PKP4: variants seen among roughly 807,000 people sequenced by gnomAD.
PKP4 encodes the protein plakophilin 4, also known as plakophilin-4.
Under a neutral mutation model 145.1 loss-of-function variants are expected in PKP4, and 90 were observed. That is an observed-to-expected ratio of 0.62 (90% CI 0.52 to 0.74). The LOEUF (loss-of-function observed/expected upper bound fraction) is 0.74, where lower values mean the gene tolerates loss of function less well. Among genes scored for constraint, PKP4 ranks in the 30% least tolerant of loss-of-function variants. The probability of loss-of-function intolerance (pLI) is 0.00; values close to 1 mark genes in which losing one functional copy is unlikely to be tolerated. For missense variants in PKP4, 1,340 were observed against 1,482.7 expected, an observed-to-expected ratio of 0.90 and a Z score of 1.58; for synonymous variants, 563 against 577.2, an observed-to-expected ratio of 0.98 and a Z score of 0.35.
intron 19 of PKP4, 70 bp downstream of exon 19, chr2:158,674,070 G>A: frequency 2.2e-6 from 2 of 892,804 alleles, no homozygotes; most frequent in Non-Finnish European, 3.8e-6. Context: ...AGCCAGAGAA[G>A]ATCAAACATA....
chr2:158,621,613 G>T (rs2052256005), intron 6 of PKP4, among the ~76,000 whole-genome samples, 192 bp downstream of exon 6: 1 of 152,074 alleles, frequency 6.6e-6, no homozygotes, highest in African/African-American at 2.4e-5. Flanking sequence ...GGGCGTGGTG[G>T]CGGGCGCCTG....
intron 7 of PKP4, among the ~76,000 whole-genome samples, chr2:158,627,494 A>G (rs1226532912): frequency 2.0e-5 from 3 of 152,060 alleles, no homozygotes; most frequent in African/African-American, 7.2e-5. Flanking sequence ...CCAGCCTCTC[A>G]GTGATTTTTT....
chr2:158,567,182 T>C (rs2047059168), intron 2 of PKP4, among the ~76,000 whole-genome samples: 1 of 152,178 alleles, frequency 6.6e-6, no homozygotes, highest in Admixed American at 6.5e-5. Context: ...ATTCCACTCT[T>C]CTTTAAGAGG....
intron 11 of PKP4, among the ~76,000 whole-genome samples, chr2:158,649,382 A>G (rs2055132987): frequency 6.6e-6 from 1 of 152,182 alleles, no homozygotes; most frequent in African/African-American, 2.4e-5. Flanking sequence ...TTGTTCTTTA[A>G]GATTACCACC....
At chr2:158,592,908 C>T (rs952024522) in intron 3 of PKP4, among the ~76,000 whole-genome samples, 5 of 152,164 alleles carry the variant, frequency 3.3e-5, no homozygotes, top group Non-Finnish European at 7.4e-5. Context: ...GTGTCTCTTA[C>T]TGTAGACTGC....
At chr2:158,603,046 A>AT in intron 3 of PKP4, 24 bp from the exon 4 acceptor site, 4 of 1,427,612 alleles carry the variant, frequency 2.8e-6, no homozygotes, top group Non-Finnish European at 2.9e-6. Context: ...TAAATGTTCC[A>AT]TTTTTTTCTT....
At chr2:158,545,559 G>A (rs6437187) in intron 2 of PKP4, among the ~76,000 whole-genome samples, 138,141 of 152,192 alleles carry the variant, frequency 0.91, 62,794 homozygotes, top group East Asian at 0.98. Flanking sequence ...CTTGCATTCA[G>A]TTCATAATCT....
chr2:158,531,491 A>G (rs1243681957), intron 1 of PKP4, among the ~76,000 whole-genome samples: 2 of 152,296 alleles, frequency 1.3e-5, no homozygotes, highest in East Asian at 3.9e-4. Flanking sequence ...ATCTTTGTGT[A>G]GCATTTTTTT....
At chr2:158,515,038 A>G (rs1222155626) in intron 1 of PKP4, among the ~76,000 whole-genome samples, 1 of 152,240 alleles carries the variant, frequency 6.6e-6, no homozygotes, top group Non-Finnish European at 1.5e-5. Context: ...TGATGTTATA[A>G]TTCAAAACTG....
intron 11 of PKP4, among the ~76,000 whole-genome samples, chr2:158,643,079 C>T (rs1272789967): frequency 6.6e-6 from 1 of 152,114 alleles, no homozygotes; most frequent in Non-Finnish European, 1.5e-5. Flanking sequence ...GTTAGCTCAG[C>T]TGGTGTCTGA....
intron 1 of PKP4, among the ~76,000 whole-genome samples, chr2:158,511,585 A>G (rs1435034201): frequency 6.6e-6 from 1 of 152,184 alleles, no homozygotes; most frequent in Non-Finnish European, 1.5e-5. Flanking sequence ...TATTTAACTG[A>G]TGTACTATAT....
At chr2:158,463,792 T>C (rs545706861) in intron 1 of PKP4, among the ~76,000 whole-genome samples, 2 of 152,304 alleles carry the variant, frequency 1.3e-5, no homozygotes, top group Admixed American at 6.5e-5. Context: ...GGAGGGAAAA[T>C]TGAAGTTGTA....
chr2:158,509,417 A>G (rs1040013170), intron 1 of PKP4, among the ~76,000 whole-genome samples: 3 of 152,254 alleles, frequency 2.0e-5, no homozygotes, highest in African/African-American at 7.2e-5. Context: ...TGGCAACAAT[A>G]AAAACAGTCT....
chr2:158,675,171 C>T (rs989855803), intron 19 of PKP4, among the ~76,000 whole-genome samples: 2 of 152,140 alleles, frequency 1.3e-5, no homozygotes, highest in African/African-American at 4.8e-5. Flanking sequence ...GGCTCTATAA[C>T]AAAAGGCACA....
intron 2 of PKP4, among the ~76,000 whole-genome samples, chr2:158,556,538 T>TC (rs397986409): frequency 6.7e-6 from 1 of 149,262 alleles, no homozygotes; most frequent in Non-Finnish European, 1.5e-5. Context: ...TTTTTTTTTT[T>TC]AACTTGTACT....
At chr2:158,646,484 CT>C (rs2054839346) in intron 11 of PKP4, among the ~76,000 whole-genome samples, 2 of 152,058 alleles carry the variant, frequency 1.3e-5, no homozygotes, top group Admixed American at 6.6e-5. Flanking sequence ...AGCATAGTTG[CT>C]TTTTTTGTGT....
At chr2:158,540,644 T>C (rs2044435475) in intron 2 of PKP4, among the ~76,000 whole-genome samples, 1 of 152,192 alleles carries the variant, frequency 6.6e-6, no homozygotes, top group Non-Finnish European at 1.5e-5. Flanking sequence ...AGAATGTGTG[T>C]ACTTTTGCCC....
Position 158,526,104 on chromosome 2 carries a change from A to G in PKP4, c.-5-7076A>G, listed in dbSNP as rs200102647. Among the ~76,000 whole-genome samples, 214 of 151,332 alleles carry G rather than the reference A, an allele frequency of 1.4e-3. 6 individuals are homozygous for G. In the East Asian group the frequency reaches 0.036, roughly 25 times the overall value. ...TTCTGAAACTATTCCAATGAATAGA[A>G]AAAGAGGGAATCCTCCCTAACTCAT... On this transcript the variant is annotated intron_variant, in intron 1 of 21. Transcript: ENST00000389759.
In PKP4 at chr2:158,666,456, T is replaced by C; in HGVS notation, c.2621T>C (p.Leu874Pro). The change falls in exon 16 of 22, where the codon CTC becomes CCC. Residue 874 changes from leucine to proline, a missense_variant. By Grantham distance (98) the Leu-to-Pro change is moderately conservative (BLOSUM62 -3). Coordinates refer to ENST00000389759, the MANE Select transcript of PKP4 (RefSeq NM_003628.6). ...GCGGCCGTCCGAAAAGAAAAGGGGC[T>C]CCCCATCCTTGTGGAGCTTCTGAGA... ...IRAAVRKEKG[L>P]PILVELLRMD... is the part of the protein sequence containing the mutation. 6.2e-7 allele frequency: 1 copy of C among 1,610,772 alleles called. No individual in the cohort carries two copies.
Sources: gnomAD v4.1 joint callset for allele counts (sites outside exome capture counted in the v4.1 genomes callset) on GRCh38, gnomAD v4.1.1 for gene constraint, MANE v1.5 for transcripts, NCBI Gene and HGNC (gene_info 2026-07-23, HGNC 2026-07-21) for gene names.